GTF2H5: variants seen among roughly 807,000 people sequenced by gnomAD.
GTF2H5 encodes the protein TFB5 ortholog.
Under a neutral mutation model 7.1 loss-of-function variants are expected in GTF2H5, and 5 were observed. The observed-to-expected ratio is 0.71, with a 90% CI of 0.37 to 1.49. The LOEUF (loss-of-function observed/expected upper bound fraction) is 1.49. Among genes scored for constraint, GTF2H5 ranks in the 40% most tolerant of loss-of-function variants. The pLI, the probability that GTF2H5 is intolerant of heterozygous loss-of-function variation, is 0.03. For synonymous variants in GTF2H5, 30 were observed against 31.7 expected, an observed-to-expected ratio of 0.95 and a Z score of 0.18; for missense variants, 80 against 83.0, an observed-to-expected ratio of 0.96 and a Z score of 0.14.
At chr6:158,191,516 T>C (rs941491277) in intron 2 of GTF2H5, among the ~76,000 whole-genome samples, 3 of 150,606 alleles carry the variant, frequency 2.0e-5, no homozygotes, top group African/African-American at 7.4e-5. Flanking sequence ...AGAGTCTCGC[T>C]CTGTCGCCCA....
At chr6:158,175,024 G>GTGTGTGTGTGTGTGTGTGTGTGTGTATA (rs1554267641) in intron 2 of GTF2H5, among the ~76,000 whole-genome samples, 28 of 124,108 alleles carry the variant, frequency 2.3e-4, no homozygotes, top group African/African-American at 1.2e-3. Flanking sequence ...GTGTGTGTGT[G>GTGTGTGTGTGTGTGTGTGTGTGTGTATA]TGTGTGTGTG....
At chr6:158,172,643 A>G (rs1043776648) in intron 2 of GTF2H5, among the ~76,000 whole-genome samples, 1 of 151,952 alleles carries the variant, frequency 6.6e-6, no homozygotes. Flanking sequence ...CATTTTGCCA[A>G]ATATCTAGTT....
chr6:158,180,188 A>G (rs551256684), intron 2 of GTF2H5, among the ~76,000 whole-genome samples: 18 of 152,238 alleles, frequency 1.2e-4, no homozygotes, highest in South Asian at 2.1e-4. Context: ...TGATTTGCGT[A>G]TGTTGAACCA....
At chr6:158,169,693 T>TATTA (rs1483686884) in intron 1 of GTF2H5, among the ~76,000 whole-genome samples, 3,443 of 65,954 alleles carry the variant, frequency 0.052, 676 homozygotes, top group African/African-American at 0.16. Flanking sequence ...ATAATATATA[T>TATTA]TATATAATAT....
chr6:158,191,586 C>G (rs1777027317), intron 2 of GTF2H5, among the ~76,000 whole-genome samples: 1 of 151,942 alleles, frequency 6.6e-6, no homozygotes, highest in South Asian at 2.1e-4. Context: ...AGGTTCACAC[C>G]ATTCTCCTGC....
rs1273197673 is a variant in GTF2H5 at position 158,197,545 on chromosome 6, G to T, written c.*5388G>T. 6.6e-6 allele frequency: 1 copy of T among 152,162 alleles called. No homozygotes were observed. The highest frequency in any genetic ancestry group is 1.5e-5 in the Non-Finnish European group (1 of 68,040). 9.4% of individuals were successfully genotyped at this position (152,162 alleles called of 1,614,324 possible). A position where few individuals can be genotyped will look rare whatever the true frequency, so the allele number is the denominator to read the frequency against. ...CAAGAGCAGATTGATCAAGAGCAAA[G>T]GTCATGGTAACAGTTTTTTGGATCC... On this transcript the variant is annotated 3_prime_UTR_variant, in exon 3 of 3. Coordinates refer to ENST00000607778, the MANE Select transcript of GTF2H5 (RefSeq NM_207118.3).
At chr6:158,169,693 T>TATTGTATATTATATAA (rs1483686884) in intron 1 of GTF2H5, among the ~76,000 whole-genome samples, 5 of 66,104 alleles carry the variant, frequency 7.6e-5, no homozygotes, top group Admixed American at 3.1e-4. Context: ...ATAATATATA[T>TATTGTATATTATATAA]TATATAATAT....
intron 1 of GTF2H5, among the ~76,000 whole-genome samples, chr6:158,169,827 G>A (rs1325580809): frequency 6.2e-5 from 5 of 81,094 alleles, no homozygotes; most frequent in African/African-American, 3.0e-4. Context: ...ATATAAAAGT[G>A]TGTATATATA....
intron 2 of GTF2H5, among the ~76,000 whole-genome samples, chr6:158,178,438 C>G (rs1347018857): frequency 8.3e-6 from 1 of 120,032 alleles, no homozygotes; most frequent in Non-Finnish European, 1.6e-5. Flanking sequence ...GCCTGGGAGA[C>G]AGAGCGAGAC....
intron 1 of GTF2H5, among the ~76,000 whole-genome samples, 191 bp downstream of exon 1, chr6:158,168,586 C>T (rs948297720): frequency 2.0e-5 from 3 of 152,208 alleles, no homozygotes; most frequent in Admixed American, 2.0e-4. Context: ...CTCGTTTAAT[C>T]GTGGGTTTCC....
chr6:158,182,120 T>G (rs1298615211), intron 2 of GTF2H5, among the ~76,000 whole-genome samples: 2 of 152,232 alleles, frequency 1.3e-5, no homozygotes, highest in African/African-American at 4.8e-5. Flanking sequence ...ATTTTATTTC[T>G]CCTTCACTTA....
At chr6:158,186,963 T>A (rs781499457) in intron 2 of GTF2H5, among the ~76,000 whole-genome samples, 2 of 151,992 alleles carry the variant, frequency 1.3e-5, no homozygotes, top group African/African-American at 4.8e-5. Flanking sequence ...AGAGTTGTTT[T>A]TGTTTTGTTT....
intron 2 of GTF2H5, among the ~76,000 whole-genome samples, chr6:158,173,607 A>G (rs1785887647): frequency 6.6e-6 from 1 of 152,234 alleles, no homozygotes; most frequent in African/African-American, 2.4e-5. Context: ...TGGAGTTTAC[A>G]GGCAGACCAC....
chr6:158,190,800 C>A (rs1361705331), intron 2 of GTF2H5: 2 of 380,762 alleles, frequency 5.3e-6, no homozygotes, highest in Non-Finnish European at 1.0e-5. Context: ...TCAAGAATTG[C>A]AAAAATCTGT....
chr6:158,173,931 C>T (rs573691885), intron 2 of GTF2H5, among the ~76,000 whole-genome samples: 407 of 152,252 alleles, frequency 2.7e-3, no homozygotes, highest in Non-Finnish European at 3.7e-3. Context: ...CCAGGAGTCC[C>T]CAGTCCAGAC....
At position 158,194,698 on chromosome 6, in the gene GTF2H5, C is replaced by T. The variant is rs1777081516; in HGVS notation, c.*2541C>T. On this transcript the variant is annotated 3_prime_UTR_variant, in exon 3 of 3. Coordinates refer to ENST00000607778, the MANE Select transcript of GTF2H5 (RefSeq NM_207118.3). Reference sequence around the variant, plus strand: ...GGGTGGGTAAGGAGTCCTTGATGTCCTGTAAATGAAGGAACCAAATGGAGT... The same window carrying T: ...GGGTGGGTAAGGAGTCCTTGATGTCTTGTAAATGAAGGAACCAAATGGAGT... 6.6e-6 allele frequency: 1 copy of T among 152,094 alleles called. No homozygotes were observed. Among genetic ancestry groups the T allele is most frequent in the South Asian group, 2.1e-4 (1 of 4,822 alleles). The allele number at this position is 152,094 out of a possible 1,614,324, so 9.4% of individuals were successfully genotyped here. A position where few individuals can be genotyped will look rare whatever the true frequency, so the allele number is the denominator to read the frequency against.
rs933125865 is a variant in GTF2H5 at position 158,192,148 on chromosome 6, C to G, written c.207C>G (p.Thr69=). The change falls in exon 3 of 3, where the codon ACC becomes ACG. Residue 69 remains threonine, a synonymous_variant. Transcript: ENST00000607778. The part of the protein sequence containing the change: ...ELMDQNAFSL[T]QK ...TGGACCAAAATGCTTTTTCCCTTAC[C>G]CAGAAATGAAAATACTCAATATGGA... 6.2e-7 allele frequency: 1 copy of G among 1,611,672 alleles called. No individual in the cohort carries two copies. Among genetic ancestry groups the G allele is most frequent in the Non-Finnish European group, 8.5e-7 (1 of 1,179,102 alleles).
In GTF2H5 at chr6:158,192,317, G is replaced by A; in HGVS notation, c.*160G>A. The A allele has an allele frequency of 3.3e-6, 2 of 603,060 alleles. No homozygotes were observed. Among genetic ancestry groups the A allele is most frequent in the South Asian group, 2.0e-5 (1 of 50,676 alleles). 37.4% of individuals were successfully genotyped at this position (603,060 alleles called of 1,614,324 possible). A position where few individuals can be genotyped will look rare whatever the true frequency, so the allele number is the denominator to read the frequency against. ...TCATTTGTTCAGAAAAAAAGCCCCTGAACTGATTTTGTTACCATAGAATTT... is the reference window on the plus strand; with the variant it reads ...TCATTTGTTCAGAAAAAAAGCCCCTAAACTGATTTTGTTACCATAGAATTT... On this transcript the variant is annotated 3_prime_UTR_variant, in exon 3 of 3. Coordinates refer to ENST00000607778, the MANE Select transcript of GTF2H5 (RefSeq NM_207118.3).
intron 2 of GTF2H5, among the ~76,000 whole-genome samples, chr6:158,176,662 G>A (rs1475400942): frequency 6.6e-6 from 1 of 152,168 alleles, no homozygotes; most frequent in East Asian, 1.9e-4. Context: ...CAGCGCTAGA[G>A]GAATTAAAGA....
Sources: gnomAD v4.1 joint callset for allele counts (sites outside exome capture counted in the v4.1 genomes callset) on GRCh38, gnomAD v4.1.1 for gene constraint, MANE v1.5 for transcripts, NCBI Gene and HGNC (gene_info 2026-07-23, HGNC 2026-07-21) for gene names.